DMD: variants seen among roughly 807,000 people sequenced by gnomAD.
DMD encodes dystrophin, also known as mutant dystrophin.
Under a neutral mutation model 330.1 loss-of-function variants are expected in DMD, and 63 were observed. The ratio of observed to expected loss-of-function variants is 0.19; its 90% CI spans 0.16 to 0.24. DMD has a LOEUF of 0.24. DMD is among the 10% of genes least tolerant of loss of function. The probability of loss-of-function intolerance (pLI) is 1.00; values close to 1 mark genes in which losing one functional copy is unlikely to be tolerated. For missense variants in DMD, 3,344 were observed against 2,684.1 expected (o/e 1.25, Z -5.43); for synonymous variants, 1,223 against 959.8 (o/e 1.27, Z -5.07).
At chrX:31,352,696 T>C (rs189635287) in intron 60 of DMD, among the ~76,000 whole-genome samples, 2 of 112,225 alleles carry the variant, frequency 1.8e-5, no homozygotes, top group East Asian at 2.8e-4. Flanking sequence ...GCGAGAAGAA[T>C]TAAGCATAAA....
chrX:32,995,753 C>G (rs2093101909), intron 2 of DMD, among the ~76,000 whole-genome samples: 1 of 111,513 alleles, frequency 9.0e-6, no homozygotes, highest in African/African-American at 3.3e-5. Flanking sequence ...ATATTACGTA[C>G]CATATAGTAA....
intron 60 of DMD, among the ~76,000 whole-genome samples, chrX:31,351,074 T>C (rs1404708299): frequency 1.8e-5 from 2 of 110,236 alleles, no homozygotes; most frequent in Non-Finnish European, 3.8e-5. Flanking sequence ...AGCTTGCAGA[T>C]AGCAGGTCAT....
rs190242918 is a variant in DMD, at chrX:32,893,577, A to T, written c.94-43757T>A. ...ATTAAAACCCCTCAGAGGTGATTAA[A>T]TTTGCTGTGATAAACAGTGGGGTTA... On this transcript the variant is annotated intron_variant, in intron 2 of 78. Coordinates refer to ENST00000357033, the MANE Select transcript of DMD (RefSeq NM_004006.3). Among the ~76,000 whole-genome samples the T allele has an allele frequency of 1.5e-3, 165 of 112,145 alleles. 1 individual carries two copies. Among genetic ancestry groups the T allele is most frequent in the African/African-American group, 5.2e-3 (162 of 30,936 alleles).
At chrX:32,382,464 GC>G (rs767555840) in intron 33 of DMD, among the ~76,000 whole-genome samples, 1 of 111,361 alleles carries the variant, frequency 9.0e-6, no homozygotes, top group South Asian at 3.7e-4. Context: ...CATCTAAAAT[GC>G]TACAATCGAA....
At chrX:32,653,691 G>C (rs1397836437) in intron 9 of DMD, among the ~76,000 whole-genome samples, 2 of 111,838 alleles carry the variant, frequency 1.8e-5, no homozygotes, top group Non-Finnish European at 3.8e-5. Flanking sequence ...CCAATTCCGT[G>C]TAGAAAGTCA....
At chrX:31,611,518 C>T (rs767745145) in intron 55 of DMD, among the ~76,000 whole-genome samples, 4 of 111,824 alleles carry the variant, frequency 3.6e-5, no homozygotes, top group African/African-American at 6.5e-5. Flanking sequence ...TACTTAAAAG[C>T]GAATAGGCTT....
intron 2 of DMD, among the ~76,000 whole-genome samples, chrX:32,986,622 C>A (rs1195432036): frequency 8.9e-6 from 1 of 111,972 alleles, no homozygotes; most frequent in Non-Finnish European, 1.9e-5. Context: ...TTAAAATAAC[C>A]AATCCTCTAG....
At chrX:31,828,709 G>A (rs1253236492) in intron 49 of DMD, among the ~76,000 whole-genome samples, 6 of 106,581 alleles carry the variant, frequency 5.6e-5, no homozygotes, top group African/African-American at 1.4e-4. Context: ...TACCAGTAAC[G>A]AGCAGCAAGG....
chrX:31,589,952 C>T (rs1221770603), intron 55 of DMD, among the ~76,000 whole-genome samples: 1 of 111,059 alleles, frequency 9.0e-6, no homozygotes. Context: ...ACATAATTGT[C>T]AGAGTTTGTA....
chrX:33,010,179 T>C (rs2147632675), intron 2 of DMD, among the ~76,000 whole-genome samples: 1 of 80,445 alleles, frequency 1.2e-5, no homozygotes, highest in South Asian at 5.7e-4. Context: ...TATATGCATA[T>C]ATTTGTGTAT....
chrX:31,363,174 T>C (rs969451296), intron 60 of DMD, among the ~76,000 whole-genome samples: 4 of 111,637 alleles, frequency 3.6e-5, no homozygotes, highest in Non-Finnish European at 7.5e-5. Context: ...TTCAAGTTAA[T>C]ATTTGTTTTA....
chrX:32,871,140 C>T lies in DMD; in HGVS notation c.94-21320G>A, dbSNP rs745520128. On this transcript the variant is annotated intron_variant, in intron 2 of 78. Transcript: ENST00000357033. Reference sequence around the variant, plus strand: ...CCTCCTCCAACCTGCAATCTTTTCCCGTGTTTTTTTTCTCTTAATCTTGGT... The same window carrying T: ...CCTCCTCCAACCTGCAATCTTTTCCTGTGTTTTTTTTCTCTTAATCTTGGT... Among the ~76,000 whole-genome samples the T allele has an allele frequency of 1.1e-4, 5 of 47,285 alleles. No individual in the cohort carries two copies. The South Asian group carries it at 6.0e-3, about 57-fold the overall frequency. 41.1% of individuals were successfully genotyped at this position (47,285 alleles called of 115,157 possible). A position where few individuals can be genotyped will look rare whatever the true frequency, so the allele number is the denominator to read the frequency against.
chrX:31,556,006 C>T (rs1336450005), intron 55 of DMD, among the ~76,000 whole-genome samples: 1 of 110,925 alleles, frequency 9.0e-6, no homozygotes, highest in Non-Finnish European at 1.9e-5. Context: ...AGTAATTCCC[C>T]AGATGACAGA....
Position 32,388,341 on chromosome X carries a change from C to CTTTTTTTTTTTTTTTTTT in DMD, c.4518+1159_4518+1160insAAAAAAAAAAAAAAAAAA, listed in dbSNP as rs3044988. Among the ~76,000 whole-genome samples the CTTTTTTTTTTTTTTTTTT allele has an allele frequency of 1.2e-3, 97 of 78,496 alleles. 3 individuals are homozygous for CTTTTTTTTTTTTTTTTTT. The highest frequency in any genetic ancestry group is 5.0e-3 in the African/African-American group (88 of 17,502). 68.2% of individuals were successfully genotyped at this position (78,496 alleles called of 115,157 possible). ...AGGCACTTGGGTCATTTATGCTTTCCTTTTTTTTTTTTTTGGCAAAATTTA... is the reference window on the plus strand; with the variant it reads ...AGGCACTTGGGTCATTTATGCTTTCCTTTTTTTTTTTTTTTTTTTTTTTTTTTTTTTTGGCAAAATTTA... On this transcript the variant is annotated intron_variant, in intron 32 of 78. Coordinates refer to ENST00000357033, the MANE Select transcript of DMD (RefSeq NM_004006.3).
At chrX:32,384,413 T>C (rs2097944619) in intron 33 of DMD, among the ~76,000 whole-genome samples, 1 of 107,976 alleles carries the variant, frequency 9.3e-6, no homozygotes, top group Non-Finnish European at 1.9e-5. Context: ...ACAGTTGAAA[T>C]GTATTTTATT....
rs772420621 is a variant in DMD at position 32,372,411 on chromosome X, G to T, written c.4846-7212C>A. Among the ~76,000 whole-genome samples, 7 of 111,692 alleles carry T rather than the reference G, an allele frequency of 6.3e-5. No homozygotes were observed. In the East Asian group the frequency reaches 1.7e-3, roughly 27 times the overall value. On this transcript the variant is annotated intron_variant, in intron 34 of 78. Transcript: ENST00000357033. ...GTTATCATGAAAGCTCAAGGAACTT[G>T]TGCAGTTCCAGTATTCAAACTCTTC...
At chrX:31,368,213 T>A (rs1385190341) in intron 60 of DMD, among the ~76,000 whole-genome samples, 1 of 112,440 alleles carries the variant, frequency 8.9e-6, no homozygotes, top group African/African-American at 3.2e-5. Context: ...GCAATTCTCT[T>A]TTTCCCCTCC....
intron 1 of DMD, among the ~76,000 whole-genome samples, chrX:33,072,088 T>C (rs753179775): frequency 2.1e-3 from 235 of 111,982 alleles, no homozygotes; most frequent in African/African-American, 7.4e-3. Context: ...AAATGGAACA[T>C]TGAATGGCAA....
At chrX:31,352,930 TC>T (rs1288162756) in intron 60 of DMD, among the ~76,000 whole-genome samples, 1 of 111,744 alleles carries the variant, frequency 8.9e-6, no homozygotes, top group Non-Finnish European at 1.9e-5. Context: ...ATGCATTAGA[TC>T]TTTCTAACTG....
Sources: gnomAD v4.1 joint callset for allele counts (sites outside exome capture counted in the v4.1 genomes callset) on GRCh38, gnomAD v4.1.1 for gene constraint, MANE v1.5 for transcripts, NCBI Gene and HGNC (gene_info 2026-07-23, HGNC 2026-07-21) for gene names.